ST3GAL5: variants seen among roughly 807,000 people sequenced by gnomAD.
ST3GAL5 encodes the protein lactosylceramide alpha-2,3-sialyltransferase.
ST3GAL5 carries 25 observed loss-of-function variants against 46.1 expected under a neutral mutation model. That is an observed-to-expected ratio of 0.54 (90% CI 0.40 to 0.76). The LOEUF is 0.76. ST3GAL5 is among the 30% of genes least tolerant of loss of function. The pLI, the probability that ST3GAL5 is intolerant of heterozygous loss-of-function variation, is 0.00. For missense variants in ST3GAL5, 431 were observed against 521.2 expected, an observed-to-expected ratio of 0.83 and a Z score of 1.69; for synonymous variants, 182 against 192.7, an observed-to-expected ratio of 0.94 and a Z score of 0.46.
chr2:85,884,485 T>C (rs1687534068), intron 1 of ST3GAL5, among the ~76,000 whole-genome samples: 1 of 152,184 alleles, frequency 6.6e-6, no homozygotes, highest in Non-Finnish European at 1.5e-5. Context: ...AATATAAAAT[T>C]GGACAAGTGG....
intron 1 of ST3GAL5, among the ~76,000 whole-genome samples, chr2:85,875,264 T>C (rs1686409826): frequency 6.6e-6 from 1 of 151,970 alleles, no homozygotes; most frequent in African/African-American, 2.4e-5. Flanking sequence ...TAAGCTTTAT[T>C]GCCCAGGCTG....
At chr2:85,853,090 G>C (rs894716389) in intron 3 of ST3GAL5, 1 of 1,303,862 alleles carries the variant, frequency 7.7e-7, no homozygotes. Context: ...GGGAGATAAG[G>C]TCTTTAGCTC....
chr2:85,870,374 G>T, intron 1 of ST3GAL5: 1 of 409,956 alleles, frequency 2.4e-6, no homozygotes, highest in Non-Finnish European at 5.2e-6. Flanking sequence ...CAAGGCTTTT[G>T]TTGGCAGGCC....
At chr2:85,861,710 C>T (rs1046276700) in intron 2 of ST3GAL5, among the ~76,000 whole-genome samples, 1 of 149,408 alleles carries the variant, frequency 6.7e-6, no homozygotes, top group Non-Finnish European at 1.5e-5. Flanking sequence ...AAGAATTCTA[C>T]CCGGAAGTGA....
In ST3GAL5 at chr2:85,840,057, A is replaced by G. The variant is rs1309231258; in HGVS notation, c.*87T>C. Reference sequence around the variant, plus strand: ...AAAAACATGAGCTGCACTTCAAAGTATCTGCAGGATGGAGAAATACATCAA... The same window carrying G: ...AAAAACATGAGCTGCACTTCAAAGTGTCTGCAGGATGGAGAAATACATCAA... On this transcript the variant is annotated 3_prime_UTR_variant, in exon 7 of 7. Coordinates refer to ENST00000638572, the MANE Select transcript of ST3GAL5 (RefSeq NM_003896.4). 2.1e-5 allele frequency: 34 copies of G among 1,595,140 alleles called. No homozygotes were observed. The highest frequency in any genetic ancestry group is 2.7e-5 in the Non-Finnish European group (32 of 1,164,836).
chr2:85,854,656 G>A (rs1324910700), intron 3 of ST3GAL5: 5 of 152,216 alleles, frequency 3.3e-5, no homozygotes, highest in African/African-American at 7.2e-5. Flanking sequence ...GAGTTCACAG[G>A]TAATGGAAGA....
chr2:85,870,911 C>T (rs11127003), intron 1 of ST3GAL5, among the ~76,000 whole-genome samples: 26,834 of 152,004 alleles, frequency 0.18, 2,809 homozygotes, highest in South Asian at 0.34. Flanking sequence ...GTGATCCGCC[C>T]GCCTTGGCCG....
chr2:85,880,754 G>C (rs1227605342), intron 1 of ST3GAL5: 1 of 438,234 alleles, frequency 2.3e-6, no homozygotes. Context: ...CTCCTGGGAG[G>C]CTGAGGTTGC....
Position 85,844,453 on chromosome 2 carries a change from A to G in ST3GAL5, c.951T>C (p.Thr317=), listed in dbSNP as rs771587393. 1 of 1,614,246 alleles carries G rather than the reference A, an allele frequency of 6.2e-7. No individual in the cohort carries two copies. The highest frequency in any genetic ancestry group is 1.1e-5 in the South Asian group (1 of 91,086). ...RILNPVIIKE[T]AFDILQYSEP... Reference sequence around the variant, plus strand: ...CTGAGTACTGAAGGATGTCAAAGGCAGTCTCTTTGATGATAACTGGATTCA... The same window carrying G: ...CTGAGTACTGAAGGATGTCAAAGGCGGTCTCTTTGATGATAACTGGATTCA... Residue 317 remains threonine (T), a synonymous_variant, in exon 6 of 7, where the codon ACT becomes ACC. Transcript: ENST00000638572.
At position 85,839,997 on chromosome 2, in the gene ST3GAL5, G is replaced by C. The variant is rs1017206945; in HGVS notation, c.*147C>G. 1.6e-6 allele frequency: 2 copies of C among 1,252,580 alleles called. No individual in the cohort carries two copies. Among genetic ancestry groups the C allele is most frequent in the African/African-American group, 1.5e-5 (1 of 65,962 alleles). The allele number at this position is 1,252,580 out of a possible 1,614,324, so 77.6% of individuals were successfully genotyped here. A position where few individuals can be genotyped will look rare whatever the true frequency, so the allele number is the denominator to read the frequency against. On this transcript the variant is annotated 3_prime_UTR_variant, in exon 7 of 7. Transcript: ENST00000638572. ...AAATAGGAAAAAAAAAGTGGGAAGA[G>C]CTAAAATTTTTTTTGTGTTTTTAAA...
chr2:85,870,352 T>C (rs747329932), intron 1 of ST3GAL5: 20 of 434,468 alleles, frequency 4.6e-5, no homozygotes, highest in Admixed American at 2.4e-4. Context: ...ATGGTGGTTA[T>C]AGGCCTTCCT....
chr2:85,865,312 C>T (rs148199480), intron 1 of ST3GAL5, among the ~76,000 whole-genome samples: 2 of 151,760 alleles, frequency 1.3e-5, no homozygotes, highest in Admixed American at 1.3e-4. Context: ...AGGGTTTTAC[C>T]ATCTTCTTTG....
At chr2:85,846,645 G>C (rs781226697) in intron 4 of ST3GAL5, 82 bp from the exon 5 acceptor site, 4 of 1,317,806 alleles carry the variant, frequency 3.0e-6, no homozygotes, top group Non-Finnish European at 4.4e-6. Context: ...TCCATGTCAT[G>C]TCCTCCACGT....
chr2:85,846,431 TA>T lies in ST3GAL5; in HGVS notation c.794del (p.Leu265TyrfsTer14), dbSNP rs1444819796. On this transcript the variant is annotated frameshift_variant, in exon 5 of 7. Coordinates refer to ENST00000638572, the MANE Select transcript of ST3GAL5 (RefSeq NM_003896.4). LOFTEE classifies it high-confidence loss of function. ...GCCAGTTGAAATCAACACTCTTAAA[TA>T]AAACAGCAACAAATAAGTCATTGGA... ...YYSNDLFVAV[L>X]FKSVDFNWLQ... The T allele has an allele frequency of 1.9e-6, 3 of 1,614,088 alleles. No homozygotes were observed. Among genetic ancestry groups the T allele is most frequent in the Admixed American group, 3.3e-5 (2 of 60,008 alleles).
At chr2:85,842,906 A>C (rs998793480) in intron 6 of ST3GAL5, among the ~76,000 whole-genome samples, 1 of 151,890 alleles carries the variant, frequency 6.6e-6, no homozygotes, top group Admixed American at 6.6e-5. Context: ...AATTACAGGC[A>C]CGCGCCACCA....
rs1042327829 is a variant in ST3GAL5 at position 85,859,717 on chromosome 2, A to G, written c.318+1464T>C. 2.6e-5 allele frequency among the ~76,000 whole-genome samples: 4 copies of G among 152,340 alleles called. No individual in the cohort carries two copies. The East Asian group carries it at 7.7e-4, about 29-fold the overall frequency. ...AAAAAAATTGGAGGCACTTCAAAGG[A>G]TGTACAAATTAAAGTAGAAACGTAT... On this transcript the variant is annotated intron_variant, in intron 3 of 6. Coordinates refer to ENST00000638572, the MANE Select transcript of ST3GAL5 (RefSeq NM_003896.4).
intron 6 of ST3GAL5, among the ~76,000 whole-genome samples, chr2:85,844,130 G>A (rs562481647): frequency 6.6e-6 from 1 of 152,310 alleles, no homozygotes; most frequent in South Asian, 2.1e-4. Flanking sequence ...GAGTCCTGGA[G>A]TAAGAATACC....
chr2:85,889,020 G>C (rs1688100983), upstream of ST3GAL5: 1 of 752,310 alleles, frequency 1.3e-6, no homozygotes, highest in Non-Finnish European at 1.8e-6. Flanking sequence ...CTCAGATGCG[G>C]AGGAGGGGCG....
chr2:85,883,813 C>T (rs565582486), intron 1 of ST3GAL5, among the ~76,000 whole-genome samples: 17 of 152,306 alleles, frequency 1.1e-4, no homozygotes, highest in African/African-American at 3.4e-4. Flanking sequence ...ATTTTGGAGA[C>T]CTCTCTCGAG....
Sources: allele counts gnomAD v4.1 joint callset (sites outside exome capture counted in the v4.1 genomes callset), GRCh38; gene constraint gnomAD v4.1.1; transcripts MANE v1.5; gene names NCBI Gene and HGNC (gene_info 2026-07-23, HGNC 2026-07-21).